NMNAT3: variants seen among roughly 807,000 people sequenced by gnomAD.
NMNAT3 encodes the protein nicotinamide nucleotide adenylyltransferase 3.
Under a neutral mutation model 24.8 loss-of-function variants are expected in NMNAT3, and 21 were observed. The ratio of observed to expected loss-of-function variants is 0.85; its 90% CI spans 0.60 to 1.22. The LOEUF (loss-of-function observed/expected upper bound fraction) is 1.22. Ranked by LOEUF, NMNAT3 falls within the 50% of genes most tolerant of loss-of-function variation. NMNAT3 has a pLI of 0.00. For missense variants in NMNAT3, 387 were observed against 436.6 expected (o/e 0.89, Z 1.01); for synonymous variants, 136 against 155.2 (o/e 0.88, Z 0.92).
At chr3:139,613,372 A>G (rs2055323159) in intron 3 of NMNAT3, among the ~76,000 whole-genome samples, 1 of 152,242 alleles carries the variant, frequency 6.6e-6, no homozygotes, top group African/African-American at 2.4e-5. Flanking sequence ...CAGCCAAAAG[A>G]CACATGAAAA....
At chr3:139,630,358 G>A (rs2056242173) in intron 2 of NMNAT3, among the ~76,000 whole-genome samples, 1 of 152,202 alleles carries the variant, frequency 6.6e-6, no homozygotes, top group Admixed American at 6.5e-5. Flanking sequence ...CACTGTGGCT[G>A]CCACAGAGTT....
chr3:139,565,266 T>C (rs1937000031), intron 6 of NMNAT3: 1 of 152,224 alleles, frequency 6.6e-6, no homozygotes, highest in Non-Finnish European at 1.5e-5. Context: ...CTTAGCCAGA[T>C]TCCTAGAATG....
chr3:139,583,943 T>G (rs1486405251), intron 3 of NMNAT3, among the ~76,000 whole-genome samples: 1 of 152,268 alleles, frequency 6.6e-6, no homozygotes, highest in Non-Finnish European at 1.5e-5. Context: ...ATGCCCATTT[T>G]CATTCCTAAT....
chr3:139,589,293 C>T (rs2054069165), intron 3 of NMNAT3, among the ~76,000 whole-genome samples: 1 of 152,152 alleles, frequency 6.6e-6, no homozygotes, highest in Non-Finnish European at 1.5e-5. Flanking sequence ...ATTCTATTTT[C>T]CCAGACTAGA....
chr3:139,572,844 T>A (rs571704905), intron 6 of NMNAT3, among the ~76,000 whole-genome samples: 1 of 152,300 alleles, frequency 6.6e-6, no homozygotes, highest in South Asian at 2.1e-4. Context: ...CCACATTAGG[T>A]GTGCTAAACC....
intron 6 of NMNAT3, 55 bp from the exon 7 acceptor site, chr3:139,561,447 G>C (rs1936368953): frequency 1.3e-6 from 2 of 1,538,656 alleles, no homozygotes; most frequent in African/African-American, 1.4e-5. Flanking sequence ...TGCCAGGAAA[G>C]ACAACATCAT....
chr3:139,592,619 T>A (rs1576596767), intron 3 of NMNAT3, among the ~76,000 whole-genome samples: 1 of 152,292 alleles, frequency 6.6e-6, no homozygotes, highest in African/African-American at 2.4e-5. Context: ...ACAGCAGATC[T>A]CTCAGCAGAA....
intron 3 of NMNAT3, among the ~76,000 whole-genome samples, chr3:139,598,940 C>T (rs909621672): frequency 6.6e-6 from 1 of 152,040 alleles, no homozygotes; most frequent in Admixed American, 6.6e-5. Flanking sequence ...CACTAAGTAG[C>T]TCCACCTCCA....
At chr3:139,633,714 A>G (rs2056393015) in intron 2 of NMNAT3, among the ~76,000 whole-genome samples, 1 of 152,108 alleles carries the variant, frequency 6.6e-6, no homozygotes, top group African/African-American at 2.4e-5. Flanking sequence ...GTGGGAGGTG[A>G]GCTGAAAGAT....
intron 5 of NMNAT3, among the ~76,000 whole-genome samples, chr3:139,575,067 A>C (rs766185869): frequency 6.6e-6 from 1 of 152,178 alleles, no homozygotes; most frequent in Non-Finnish European, 1.5e-5. Context: ...GTTAGCTGTT[A>C]TTATCATTAC....
chr3:139,580,108 C>A (rs1939947898), intron 4 of NMNAT3, among the ~76,000 whole-genome samples: 1 of 152,170 alleles, frequency 6.6e-6, no homozygotes, highest in Non-Finnish European at 1.5e-5. Flanking sequence ...GTTGTGCTAG[C>A]CTCATAAAAA....
At chr3:139,662,318 C>T (rs576388354) in intron 1 of NMNAT3, among the ~76,000 whole-genome samples, 1 of 152,172 alleles carries the variant, frequency 6.6e-6, no homozygotes, top group South Asian at 2.1e-4. Context: ...CTGTTTGACC[C>T]ATCAGTCAAA....
intron 1 of NMNAT3, among the ~76,000 whole-genome samples, chr3:139,669,316 C>T (rs765206595): frequency 3.5e-4 from 53 of 150,058 alleles, no homozygotes; most frequent in Middle Eastern, 3.5e-3. Context: ...CTACAAGGTA[C>T]AAAAAAAAAT....
chr3:139,671,280 TAAG>T (rs2057747569), intron 1 of NMNAT3, among the ~76,000 whole-genome samples: 2 of 152,210 alleles, frequency 1.3e-5, no homozygotes, highest in East Asian at 1.9e-4. Flanking sequence ...CAGAGCATGT[TAAG>T]GTTTCCCATG....
chr3:139,615,507 C>T (rs143424093), intron 3 of NMNAT3, among the ~76,000 whole-genome samples: 44 of 151,676 alleles, frequency 2.9e-4, no homozygotes, highest in African/African-American at 9.9e-4. Context: ...ACCCACCCAC[C>T]GACCCACCCA....
chr3:139,585,886 G>A (rs2053917525), intron 3 of NMNAT3, among the ~76,000 whole-genome samples: 1 of 152,198 alleles, frequency 6.6e-6, no homozygotes, highest in Non-Finnish European at 1.5e-5. Context: ...TGTGGGTTCA[G>A]CTGAATGTAG....
chr3:139,606,627 T>C (rs573090370), intron 3 of NMNAT3, among the ~76,000 whole-genome samples: 5 of 152,362 alleles, frequency 3.3e-5, no homozygotes, highest in Admixed American at 3.3e-4. Context: ...GCATCATTGA[T>C]GATTCTGCTC....
intron 3 of NMNAT3, among the ~76,000 whole-genome samples, chr3:139,596,326 G>C (rs558927181): frequency 6.6e-6 from 1 of 152,138 alleles, no homozygotes; most frequent in East Asian, 1.9e-4. Context: ...GGTAGGTGCA[G>C]GTCAAAGGAA....
intron 3 of NMNAT3, among the ~76,000 whole-genome samples, chr3:139,603,484 C>T (rs1379899350): frequency 1.3e-5 from 2 of 152,086 alleles, no homozygotes; most frequent in Non-Finnish European, 2.9e-5. Context: ...AAAACACTGA[C>T]CTAAATTACG....
Sources: gnomAD v4.1 joint callset for allele counts (sites outside exome capture counted in the v4.1 genomes callset) on GRCh38, gnomAD v4.1.1 for gene constraint, MANE v1.5 for transcripts, NCBI Gene and HGNC (gene_info 2026-07-23, HGNC 2026-07-21) for gene names.